SFMBT1: variants seen among roughly 807,000 people sequenced by gnomAD.
The protein encoded by SFMBT1 is Scm like with four mbt domains 1.
Under a neutral mutation model 108.7 loss-of-function variants are expected in SFMBT1, and 32 were observed. That is an observed-to-expected ratio of 0.29 (90% CI 0.22 to 0.40). The LOEUF (loss-of-function observed/expected upper bound fraction) is 0.40, where lower values mean the gene tolerates loss of function less well. SFMBT1 is among the 10% of genes least tolerant of loss of function. SFMBT1 has a pLI of 1.00. For missense variants in SFMBT1, 816 were observed against 1,059.6 expected (o/e 0.77, Z 3.19); for synonymous variants, 348 against 369.5 (o/e 0.94, Z 0.67).
In SFMBT1 at chr3:53,004,142, C is replaced by G. The variant is rs947334004; in HGVS notation, c.-130-34884G>C. ...TTCATATTTCCTCGTTTCATGTTCT[C>G]AAGGCACAAAATACTTTACCTTCAT... On this transcript the variant is annotated intron_variant, in intron 1 of 20. Coordinates refer to ENST00000394752, the MANE Select transcript of SFMBT1 (RefSeq NM_016329.4). Among the ~76,000 whole-genome samples, 7 of 149,770 alleles carry G rather than the reference C, an allele frequency of 4.7e-5. No homozygotes were observed. The Admixed American group carries it at 4.7e-4, about 10-fold the overall frequency.
chr3:52,923,876 G>C (rs1392047357), intron 10 of SFMBT1, among the ~76,000 whole-genome samples: 6 of 148,336 alleles, frequency 4.0e-5, no homozygotes. Flanking sequence ...GGTCCAGAAA[G>C]AAAGTGCCCA....
chr3:52,947,753 G>C (rs368463583), intron 3 of SFMBT1, among the ~76,000 whole-genome samples: 1 of 143,878 alleles, frequency 7.0e-6, no homozygotes, highest in Non-Finnish European at 1.5e-5. Flanking sequence ...TTTTTTCCTC[G>C]AGACAGCGTC....
At chr3:52,982,405 G>A (rs60942590) in intron 1 of SFMBT1, among the ~76,000 whole-genome samples, 13,764 of 152,110 alleles carry the variant, frequency 0.09, 640 homozygotes, top group African/African-American at 0.099. Flanking sequence ...TTGTAGATAC[G>A]GCCAAAAAGG....
In SFMBT1 at chr3:52,905,051, G is replaced by T; in HGVS notation, c.*85C>A. The T allele has an allele frequency of 6.4e-7, 1 of 1,554,230 alleles. No homozygotes were observed. Among genetic ancestry groups the T allele is most frequent in the Non-Finnish European group, 8.7e-7 (1 of 1,146,370 alleles). On this transcript the variant is annotated 3_prime_UTR_variant, in exon 21 of 21. Coordinates refer to ENST00000394752, the MANE Select transcript of SFMBT1 (RefSeq NM_016329.4). ...ATACCTGCAGGCCCCAGAGCCCCAG[G>T]ACTATTCCAGCTCCACTTATAAAGC...
Position 52,916,216 on chromosome 3 carries a change from T to C in SFMBT1, c.1416-2A>G. ...TGGACAGTCCTCGAGGATGGTACTC[T>C]GGGTCAAGAAAACACAGTAAAATAG... On this transcript the variant is annotated splice_acceptor_variant, in intron 13 of 20. Coordinates refer to ENST00000394752, the MANE Select transcript of SFMBT1 (RefSeq NM_016329.4). LOFTEE classifies it high-confidence loss of function. The C allele has an allele frequency of 6.2e-7, 1 of 1,613,618 alleles. No homozygotes were observed. The highest frequency in any genetic ancestry group is 8.5e-7 in the Non-Finnish European group (1 of 1,179,662).
At chr3:52,925,094 G>A (rs1253130023) in intron 10 of SFMBT1, among the ~76,000 whole-genome samples, 1 of 152,090 alleles carries the variant, frequency 6.6e-6, no homozygotes, top group African/African-American at 2.4e-5. Flanking sequence ...GCTGGTGGGC[G>A]CCTGTAATCC....
intron 2 of SFMBT1, 150 bp from the exon 3 acceptor site, chr3:52,954,561 T>G (rs1044133674): frequency 1.1e-5 from 7 of 652,118 alleles, no homozygotes; most frequent in Non-Finnish European, 7.7e-6. Flanking sequence ...TTTTGTTTTG[T>G]TTTTGTTTTT....
At chr3:52,946,796 G>C (rs1201744591) in intron 3 of SFMBT1, among the ~76,000 whole-genome samples, 1 of 137,054 alleles carries the variant, frequency 7.3e-6, no homozygotes, top group Non-Finnish European at 1.5e-5. Flanking sequence ...TTTTGAGACA[G>C]AGTCTTACTC....
intron 1 of SFMBT1, among the ~76,000 whole-genome samples, chr3:52,972,113 A>G (rs1272677861): frequency 1.3e-5 from 2 of 152,232 alleles, no homozygotes; most frequent in Middle Eastern, 3.2e-3. Context: ...TGCTAAATAA[A>G]TATCTGTTGG....
intron 8 of SFMBT1, among the ~76,000 whole-genome samples, chr3:52,929,562 C>T (rs919742012): frequency 6.6e-6 from 1 of 152,162 alleles, no homozygotes; most frequent in African/African-American, 2.4e-5. Flanking sequence ...TATGAACTTC[C>T]TCTGGCTTCC....
rs374718502 is a variant in SFMBT1, at chr3:52,969,175, G to T, written c.-47C>A. 5.6e-6 allele frequency: 9 copies of T among 1,612,006 alleles called. No individual in the cohort carries two copies. Among genetic ancestry groups the T allele is most frequent in the Non-Finnish European group, 7.6e-6 (9 of 1,179,394 alleles). On this transcript the variant is annotated 5_prime_UTR_variant, in exon 2 of 21. Coordinates refer to ENST00000394752, the MANE Select transcript of SFMBT1 (RefSeq NM_016329.4). ...TATATCCTCCCAAAACAAAGGAAAG[G>T]CCTATGGTTCTGCTAGGATCTGAAG... is the stretch of plus-strand genomic sequence containing the variant.
chr3:53,027,191 A>T (rs1010349417), intron 1 of SFMBT1, among the ~76,000 whole-genome samples: 4 of 152,178 alleles, frequency 2.6e-5, no homozygotes, highest in Non-Finnish European at 5.9e-5. Context: ...TTACACTAAT[A>T]ATACAATATA....
At chr3:53,018,903 C>T (rs538670938) in intron 1 of SFMBT1, 1 of 152,662 alleles carries the variant, frequency 6.6e-6, no homozygotes, top group African/African-American at 2.4e-5. Flanking sequence ...GAATCACAAG[C>T]TCTAAAGCTT....
intron 1 of SFMBT1, among the ~76,000 whole-genome samples, chr3:52,981,768 C>T (rs1704720858): frequency 2.0e-5 from 3 of 151,858 alleles, no homozygotes; most frequent in Admixed American, 1.3e-4. Context: ...AGAAAGTACC[C>T]GGATTTAAGG....
intron 1 of SFMBT1, among the ~76,000 whole-genome samples, chr3:53,003,979 A>T (rs1169507321): frequency 6.7e-6 from 1 of 149,680 alleles, no homozygotes. Context: ...TTCCTCAACA[A>T]CCTACTCCTT....
At chr3:52,954,675 C>A (rs557612361) in intron 2 of SFMBT1, among the ~76,000 whole-genome samples, 7 of 152,106 alleles carry the variant, frequency 4.6e-5, no homozygotes, top group Non-Finnish European at 5.9e-5. Context: ...CTAGAGTTCA[C>A]CCAAATGGAT....
At chr3:53,010,576 G>C (rs1259736558) in intron 1 of SFMBT1, among the ~76,000 whole-genome samples, 1 of 152,106 alleles carries the variant, frequency 6.6e-6, no homozygotes, top group Non-Finnish European at 1.5e-5. Context: ...TGCACAAGGG[G>C]GTAATTGTGG....
chr3:52,928,687 T>C (rs1702764105), intron 8 of SFMBT1, among the ~76,000 whole-genome samples: 2 of 147,058 alleles, frequency 1.4e-5, no homozygotes, highest in African/African-American at 5.0e-5. Context: ...CACACACATA[T>C]ATATATAGTT....
intron 1 of SFMBT1, among the ~76,000 whole-genome samples, chr3:53,012,570 T>C (rs1193259564): frequency 4.1e-5 from 6 of 148,122 alleles, no homozygotes; most frequent in Non-Finnish European, 7.4e-5. Context: ...GCCCGGCTAA[T>C]TTTTTGTATT....
Sources: allele counts gnomAD v4.1 joint callset (sites outside exome capture counted in the v4.1 genomes callset), GRCh38; gene constraint gnomAD v4.1.1; transcripts MANE v1.5; gene names NCBI Gene and HGNC (gene_info 2026-07-23, HGNC 2026-07-21).